ASIC2: variants seen among roughly 807,000 people sequenced by gnomAD.
The protein encoded by ASIC2 is acid sensing ion channel subunit 2, also known as acid-sensing ion channel 2.
Under a neutral mutation model 57.3 loss-of-function variants are expected in ASIC2, and 25 were observed. That is an observed-to-expected ratio of 0.44 (90% CI 0.32 to 0.61). The LOEUF is 0.61. Among genes scored for constraint, ASIC2 ranks in the 20% least tolerant of loss-of-function variants. The pLI is 0.06. For missense variants in ASIC2, 641 were observed against 738.1 expected (o/e 0.87, Z 1.52); for synonymous variants, 319 against 307.5 (o/e 1.04, Z -0.39).
intron 1 of ASIC2, among the ~76,000 whole-genome samples, chr17:33,641,937 A>C (rs1226013120): frequency 2.6e-5 from 4 of 152,200 alleles, no homozygotes; most frequent in Non-Finnish European, 5.9e-5. Flanking sequence ...TAAAAAGATC[A>C]TACATTTCTT....
chr17:33,734,182 C>T (rs1486254565), intron 1 of ASIC2, among the ~76,000 whole-genome samples: 2 of 152,112 alleles, frequency 1.3e-5, no homozygotes, highest in Admixed American at 6.6e-5. Flanking sequence ...AGCCCTTCCT[C>T]CAGTGCTCCC....
At chr17:33,675,659 C>A (rs1907796942) in intron 1 of ASIC2, among the ~76,000 whole-genome samples, 1 of 152,190 alleles carries the variant, frequency 6.6e-6, no homozygotes, top group African/African-American at 2.4e-5. Flanking sequence ...GCAACCTCTG[C>A]CTCCCAGGCT....
chr17:33,476,698 G>A (rs1343101892), intron 1 of ASIC2, among the ~76,000 whole-genome samples: 1 of 151,896 alleles, frequency 6.6e-6, no homozygotes, highest in African/African-American at 2.4e-5. Context: ...TACCCTCAGG[G>A]ACAAATCGTT....
Position 33,305,412 on chromosome 17 carries a change from G to T in ASIC2, c.556-193345C>A, listed in dbSNP as rs4795766. 2.7e-4 allele frequency among the ~76,000 whole-genome samples: 41 copies of T among 152,196 alleles called. No homozygotes were observed. The Middle Eastern group carries it at 0.01, about 38-fold the overall frequency. On this transcript the variant is annotated intron_variant, in intron 1 of 9. Transcript: ENST00000359872. ...TATGCACGATCATGATAACATGCTT[G>T]GTTATTTGTTTTTCACACTTTCAGC...
intron 1 of ASIC2, among the ~76,000 whole-genome samples, chr17:33,346,299 C>A (rs562918262): frequency 6.8e-6 from 1 of 146,732 alleles, no homozygotes; most frequent in Admixed American, 6.8e-5. Flanking sequence ...GTACATTTTC[C>A]AATGTATTTT....
intron 1 of ASIC2, among the ~76,000 whole-genome samples, chr17:33,395,329 C>A (rs1910038483): frequency 6.6e-6 from 1 of 152,104 alleles, no homozygotes; most frequent in South Asian, 2.1e-4. Flanking sequence ...CTTACAGTTC[C>A]ACATGGTGGG....
At chr17:33,077,976 C>A (rs1038557084) in intron 3 of ASIC2, among the ~76,000 whole-genome samples, 3 of 152,104 alleles carry the variant, frequency 2.0e-5, no homozygotes, top group African/African-American at 7.2e-5. Flanking sequence ...TCTATAGGCC[C>A]TTTTTCCCCC....
chr17:33,469,723 AG>A (rs1291705182), intron 1 of ASIC2, among the ~76,000 whole-genome samples: 1 of 152,210 alleles, frequency 6.6e-6, no homozygotes, highest in Non-Finnish European at 1.5e-5. Context: ...GGGTTAGCTG[AG>A]GGAGCTGATG....
At chr17:33,978,533 G>A (rs1905478925) in intron 1 of ASIC2, among the ~76,000 whole-genome samples, 1 of 152,228 alleles carries the variant, frequency 6.6e-6, no homozygotes, top group African/African-American at 2.4e-5. Flanking sequence ...CTGGAACTGT[G>A]CCTGCCCGCA....
At chr17:33,130,336 G>A (rs2092340820) in intron 1 of ASIC2, among the ~76,000 whole-genome samples, 2 of 152,264 alleles carry the variant, frequency 1.3e-5, no homozygotes, top group South Asian at 4.1e-4. Flanking sequence ...AGTGGGCATA[G>A]GTACAGAGGA....
At chr17:33,531,030 A>T (rs1156583544) in intron 1 of ASIC2, among the ~76,000 whole-genome samples, 2 of 151,770 alleles carry the variant, frequency 1.3e-5, no homozygotes, top group Admixed American at 6.6e-5. Flanking sequence ...AAAAATTTTT[A>T]TTTATTAAAA....
Position 33,292,328 on chromosome 17 carries a change from C to T in ASIC2, c.-213G>A. 1.0e-6 allele frequency: 1 copy of T among 986,378 alleles called. No individual in the cohort carries two copies. Among genetic ancestry groups the T allele is most frequent in the African/African-American group, 1.7e-5 (1 of 57,222 alleles). The allele number at this position is 986,378 out of a possible 1,614,324, so 61.1% of individuals were successfully genotyped here. A position where few individuals can be genotyped will look rare whatever the true frequency, so the allele number is the denominator to read the frequency against. On this transcript the variant is annotated 5_prime_UTR_variant, in exon 1 of 10. Transcript: ENST00000225823. ...GGCGCCCGCCCGGGGCTGAGCGCCGCCTCAGCCCGCAGCCCCTGGCAGTGG... is the reference window on the plus strand; with the variant it reads ...GGCGCCCGCCCGGGGCTGAGCGCCGTCTCAGCCCGCAGCCCCTGGCAGTGG...
At chr17:33,694,590 G>A (rs1908472200) in intron 1 of ASIC2, among the ~76,000 whole-genome samples, 1 of 152,128 alleles carries the variant, frequency 6.6e-6, no homozygotes, top group Non-Finnish European at 1.5e-5. Flanking sequence ...GATGCTCCCT[G>A]TTCTAGTTGA....
chr17:33,473,083 G>A (rs1017213318), intron 1 of ASIC2, among the ~76,000 whole-genome samples: 2 of 152,220 alleles, frequency 1.3e-5, no homozygotes, highest in Non-Finnish European at 2.9e-5. Flanking sequence ...GTACCATCTT[G>A]CTGCCTGTTT....
intron 1 of ASIC2, among the ~76,000 whole-genome samples, chr17:33,125,781 T>G (rs971489600): frequency 6.6e-6 from 1 of 152,236 alleles, no homozygotes; most frequent in African/African-American, 2.4e-5. Flanking sequence ...TGTCGAGCTG[T>G]GGGCATTCAA....
At chr17:33,424,779 C>T (rs555148933) in intron 1 of ASIC2, among the ~76,000 whole-genome samples, 1 of 152,262 alleles carries the variant, frequency 6.6e-6, no homozygotes, top group South Asian at 2.1e-4. Flanking sequence ...TCTAGAGTTC[C>T]TGCACTTCAC....
At chr17:33,044,748 C>A (rs892947045) in intron 3 of ASIC2, among the ~76,000 whole-genome samples, 3 of 152,184 alleles carry the variant, frequency 2.0e-5, no homozygotes, top group African/African-American at 7.2e-5. Context: ...GATTCCTACA[C>A]CCATGGGGTT....
At chr17:34,080,282 T>C (rs1444472876) in intron 1 of ASIC2, among the ~76,000 whole-genome samples, 1 of 152,216 alleles carries the variant, frequency 6.6e-6, no homozygotes, top group Non-Finnish European at 1.5e-5. Flanking sequence ...TAGGTTGCAA[T>C]GTCAATTGTG....
chr17:33,453,987 G>T (rs1912360966), intron 1 of ASIC2, among the ~76,000 whole-genome samples: 1 of 152,006 alleles, frequency 6.6e-6, no homozygotes, highest in South Asian at 2.1e-4. Flanking sequence ...TTTCCTATAT[G>T]GTTGTAACAT....
Sources: allele counts gnomAD v4.1 joint callset (sites outside exome capture counted in the v4.1 genomes callset), GRCh38; gene constraint gnomAD v4.1.1; transcripts MANE v1.5; gene names NCBI Gene and HGNC (gene_info 2026-07-23, HGNC 2026-07-21).